Variants in ODF2L observed in about 807,000 individuals in gnomAD.
ODF2L encodes protein BCAP.
ODF2L carries 76 observed loss-of-function variants against 86.3 expected under a neutral mutation model. That is an observed-to-expected ratio of 0.88 (90% confidence interval 0.73 to 1.07). The LOEUF (loss-of-function observed/expected upper bound fraction) is 1.07. Ranked by LOEUF, ODF2L falls within the 50% of genes least tolerant of loss-of-function variation. ODF2L has a pLI of 0.00. For synonymous variants in ODF2L, 241 were observed against 231.3 expected (o/e 1.04, Z -0.38); for missense variants, 748 against 717.4 (o/e 1.04, Z -0.49).
chr1:86,392,371 G>T (rs1254488421), intron 1 of ODF2L, among the ~76,000 whole-genome samples: 2 of 151,980 alleles, frequency 1.3e-5, no homozygotes, highest in African/African-American at 2.4e-5. Flanking sequence ...ATATAGAAAA[G>T]ATACTTGCAC....
chr1:86,352,221 C>A, intron 17 of ODF2L: 1 of 1,496,962 alleles, frequency 6.7e-7, no homozygotes, highest in Non-Finnish European at 9.0e-7. Flanking sequence ...GGAAAAAACA[C>A]AGTATCATTA....
At chr1:86,382,198 T>G (rs770551680) in intron 7 of ODF2L, 44 bp downstream of exon 7, 3 of 1,515,268 alleles carry the variant, frequency 2.0e-6, no homozygotes, top group Non-Finnish European at 2.6e-6. Flanking sequence ...TTTCATTAAT[T>G]TTATCACTTA....
At chr1:86,382,112 A>C in intron 7 of ODF2L, 130 bp downstream of exon 7, 1 of 1,224,798 alleles carries the variant, frequency 8.2e-7, no homozygotes, top group Non-Finnish European at 1.0e-6. Context: ...GATTTACCTT[A>C]AATATGTATT....
At chr1:86,379,800 G>C (rs1660437832) in intron 7 of ODF2L, among the ~76,000 whole-genome samples, 1 of 152,110 alleles carries the variant, frequency 6.6e-6, no homozygotes, top group South Asian at 2.1e-4. Flanking sequence ...ATAAATTAAT[G>C]ACTATAAGAG....
In ODF2L at chr1:86,356,603, C is replaced by A. The variant is rs755525707; in HGVS notation, c.1360-1G>T. ...GATGAGACTCCATCTGGCCTCTCAT[C>A]TGAGTTGTGGCAGTAGGGAAATAAG... On this transcript the variant is annotated splice_acceptor_variant, in intron 13 of 17. Transcript: ENST00000317336. LOFTEE classifies it high-confidence loss of function. 2.5e-6 allele frequency: 4 copies of A among 1,611,910 alleles called. No individual in the cohort carries two copies. In the Admixed American group the frequency reaches 6.7e-5, roughly 27 times the overall value.
At chr1:86,376,119 GTA>G in intron 8 of ODF2L, 112 bp downstream of exon 8, 1 of 529,928 alleles carries the variant, frequency 1.9e-6, no homozygotes, top group Non-Finnish European at 3.2e-6. Flanking sequence ...GTTTTTTCTG[GTA>G]TTAACAGCAT....
intron 4 of ODF2L, among the ~76,000 whole-genome samples, chr1:86,383,821 A>G (rs773555488): frequency 6.6e-6 from 1 of 151,782 alleles, no homozygotes; most frequent in Non-Finnish European, 1.5e-5. Flanking sequence ...TCAAGTTAAG[A>G]TTCCTTTCTA....
rs539292368 is a variant in ODF2L, at chr1:86,375,638, T to C, written c.810+595A>G. Among the ~76,000 whole-genome samples the C allele has an allele frequency of 2.8e-4, 42 of 152,308 alleles. No homozygotes were observed. The South Asian group carries it at 7.9e-3, about 29-fold the overall frequency. ...TCAAATTTGTACTATACCAAAGATA[T>C]ATTTTACTTGGTGTGTTTATGTCAG... On this transcript the variant is annotated intron_variant, in intron 8 of 17. Coordinates refer to ENST00000317336, the Ensembl canonical transcript of ODF2L.
Position 86,376,279 on chromosome 1 carries a change from T to TG in ODF2L, c.763dup (p.His255ProfsTer7), listed in dbSNP as rs1558041432. ...AAGCTTTTCAATAGCTCCTGTAAAA[T>TG]GGTCAAGCCTTTGTTTGTAAACTTT... On this transcript the variant is annotated frameshift_variant, in exon 8 of 18. Coordinates refer to ENST00000317336, the Ensembl canonical transcript of ODF2L. LOFTEE classifies it high-confidence loss of function. 6.2e-7 allele frequency: 1 copy of TG among 1,612,562 alleles called. No individual in the cohort carries two copies. The highest frequency in any genetic ancestry group is 1.1e-5 in the South Asian group (1 of 90,852).
At chr1:86,356,799 A>G (rs1658601663) in intron 13 of ODF2L, among the ~76,000 whole-genome samples, 197 bp from the exon 13 acceptor site, 1 of 152,198 alleles carries the variant, frequency 6.6e-6, no homozygotes, top group Non-Finnish European at 1.5e-5. Flanking sequence ...TTAGTTTTCA[A>G]AAAGTTTGTT....
At chr1:86,361,300 C>T (rs1659017491) in intron 11 of ODF2L, among the ~76,000 whole-genome samples, 2 of 152,128 alleles carry the variant, frequency 1.3e-5, no homozygotes, top group Admixed American at 6.5e-5. Context: ...CAGAGCAACC[C>T]AGAGGCCAGA....
At chr1:86,361,528 C>A (rs1479067242) in intron 11 of ODF2L, among the ~76,000 whole-genome samples, 1 of 152,160 alleles carries the variant, frequency 6.6e-6, no homozygotes, top group East Asian at 1.9e-4. Flanking sequence ...TGAGAGCACT[C>A]TCAAGAGAAG....
intron 11 of ODF2L, among the ~76,000 whole-genome samples, chr1:86,366,631 C>CAA (rs1558026085): frequency 7.2e-6 from 1 of 139,258 alleles, no homozygotes; most frequent in African/African-American, 2.7e-5. Context: ...CAATTGGAAA[C>CAA]AATAAATTGA....
intron 1 of ODF2L, among the ~76,000 whole-genome samples, chr1:86,393,622 G>A (rs1330684491): frequency 6.6e-6 from 1 of 152,136 alleles, no homozygotes; most frequent in African/African-American, 2.4e-5. Flanking sequence ...CTGTAAACAC[G>A]GCATGTACTT....
chr1:86,359,563 C>T (rs1225285488), intron 12 of ODF2L, among the ~76,000 whole-genome samples: 1 of 137,604 alleles, frequency 7.3e-6, no homozygotes, highest in Non-Finnish European at 1.5e-5. Flanking sequence ...TGCTCTGTTG[C>T]CCAGGCTGGG....
At chr1:86,352,508 T>C (rs1343920774) in intron 17 of ODF2L, among the ~76,000 whole-genome samples, 5 of 151,982 alleles carry the variant, frequency 3.3e-5, no homozygotes, top group African/African-American at 1.2e-4. Context: ...AAAACTCACT[T>C]GTAATAATAG....
At chr1:86,390,625 T>C (rs976577052) in intron 1 of ODF2L, among the ~76,000 whole-genome samples, 2 of 151,930 alleles carry the variant, frequency 1.3e-5, no homozygotes. Flanking sequence ...TTTGACAAAA[T>C]CCAGCATCGC....
chr1:86,377,838 G>A (rs1660283631), intron 7 of ODF2L, among the ~76,000 whole-genome samples: 1 of 152,206 alleles, frequency 6.6e-6, no homozygotes, highest in South Asian at 2.1e-4. Context: ...AGTGATGGGA[G>A]GGACTGCCAT....
chr1:86,356,641 C>T, intron 13 of ODF2L, 39 bp from the exon 13 acceptor site: 3 of 1,559,550 alleles, frequency 1.9e-6, no homozygotes, highest in South Asian at 2.4e-5. Context: ...CAAGATCACA[C>T]ATTCAGCATT....
Sources: gnomAD v4.1 joint callset for allele counts (sites outside exome capture counted in the v4.1 genomes callset) on GRCh38, gnomAD v4.1.1 for gene constraint, MANE v1.5 for transcripts, NCBI Gene and HGNC (gene_info 2026-07-23, HGNC 2026-07-21) for gene names.